ARID1B: variants seen among roughly 807,000 people sequenced by gnomAD.
The protein encoded by ARID1B is AT-rich interactive domain-containing protein 1B.
In ARID1B, 30 loss-of-function variants were observed where a neutral mutation model predicts 212.3. The observed-to-expected ratio is 0.14, with a 90% CI of 0.11 to 0.19. The LOEUF is 0.19. ARID1B is among the 10% of genes least tolerant of loss of function. The pLI is 1.00. For synonymous variants in ARID1B, 1,402 were observed against 1,301.7 expected (o/e 1.08, Z -1.66); for missense variants, 2,891 against 3,204.0 (o/e 0.90, Z 2.36).
chr6:157,175,594 ACCTATGT>A (rs1393439468), intron 11 of ARID1B: 1 of 152,256 alleles, frequency 6.6e-6, no homozygotes, highest in Non-Finnish European at 1.5e-5. Flanking sequence ...AATAATGTGT[ACCTATGT>A]TAGAATCAGT....
intron 15 of ARID1B, chr6:157,194,057 T>A (rs1350974849): frequency 6.6e-6 from 1 of 152,272 alleles, no homozygotes; most frequent in Non-Finnish European, 1.5e-5. Context: ...CATTACTGTT[T>A]ACCTTGGATT....
chr6:157,090,034 A>C (rs1785182708), intron 5 of ARID1B, among the ~76,000 whole-genome samples: 1 of 152,224 alleles, frequency 6.6e-6, no homozygotes, highest in Non-Finnish European at 1.5e-5. Context: ...TCAGCACGGC[A>C]TCTGAATGCA....
intron 1 of ARID1B, among the ~76,000 whole-genome samples, chr6:156,798,195 C>T (rs1780529106): frequency 6.6e-6 from 1 of 152,240 alleles, no homozygotes; most frequent in South Asian, 2.1e-4. Flanking sequence ...TCTGCTTTCT[C>T]TGCTGGGTGC....
rs140133346 is a variant in ARID1B at position 157,188,385 on chromosome 6, G to C, written c.3920-1257G>C. On this transcript the variant is annotated intron_variant, in intron 13 of 19. Transcript: ENST00000636930. ...GGCTGGGCAGACCTCATCTGGCTAG[G>C]AATGTCTCTGTCTAGCTGAGGCTTT... Among the ~76,000 whole-genome samples, 469 of 152,228 alleles carry C rather than the reference G, an allele frequency of 3.1e-3. 1 individual carries two copies. Among genetic ancestry groups the C allele is most frequent in the African/African-American group, 0.01 (429 of 41,536 alleles).
intron 5 of ARID1B, among the ~76,000 whole-genome samples, chr6:157,093,606 T>C (rs897728878): frequency 6.6e-6 from 1 of 152,216 alleles, no homozygotes; most frequent in South Asian, 2.1e-4. Flanking sequence ...ATGATATAAC[T>C]AGGAATTGTT....
intron 2 of ARID1B, among the ~76,000 whole-genome samples, chr6:156,895,973 C>G (rs189880625): frequency 1.3e-5 from 2 of 152,330 alleles, no homozygotes; most frequent in Admixed American, 6.5e-5. Context: ...TATGATACTG[C>G]ATTAACTTTT....
intron 1 of ARID1B, among the ~76,000 whole-genome samples, chr6:156,826,709 G>T (rs530316413): frequency 1.3e-5 from 2 of 152,260 alleles, no homozygotes; most frequent in Non-Finnish European, 2.9e-5. Context: ...TCTGCAGCGA[G>T]ACTGTCCTTG....
chr6:157,093,832 C>G (rs985787564), intron 5 of ARID1B, among the ~76,000 whole-genome samples: 1 of 152,200 alleles, frequency 6.6e-6, no homozygotes, highest in African/African-American at 2.4e-5. Flanking sequence ...CTAATTGTTC[C>G]GTTTCCTTCC....
chr6:157,204,185 T>A (rs1398957520), intron 19 of ARID1B, 189 bp downstream of exon 19: 8 of 694,042 alleles, frequency 1.2e-5, no homozygotes, highest in Admixed American at 2.6e-5. Flanking sequence ...TAGTCTTTAG[T>A]GTGTGTACAC....
chr6:156,832,521 C>G (rs1417531267), intron 2 of ARID1B, among the ~76,000 whole-genome samples: 1 of 152,166 alleles, frequency 6.6e-6, no homozygotes, highest in Non-Finnish European at 1.5e-5. Context: ...GAATCCAGTT[C>G]ATTTAATATT....
At chr6:156,815,458 C>T (rs1781897754) in intron 1 of ARID1B, among the ~76,000 whole-genome samples, 2 of 152,166 alleles carry the variant, frequency 1.3e-5, no homozygotes, top group African/African-American at 2.4e-5. Context: ...TTTAGTTTTC[C>T]TCCTTTCTCC....
At chr6:157,011,825 C>A (rs577986158) in intron 4 of ARID1B, among the ~76,000 whole-genome samples, 1 of 152,270 alleles carries the variant, frequency 6.6e-6, no homozygotes, top group East Asian at 1.9e-4. Context: ...ACAGTTATTT[C>A]TCAGAATTTA....
intron 4 of ARID1B, among the ~76,000 whole-genome samples, chr6:156,949,005 G>T (rs1410242870): frequency 1.3e-5 from 2 of 152,314 alleles, no homozygotes; most frequent in East Asian, 3.9e-4. Flanking sequence ...CACAACTGTG[G>T]TCAGAGCTTT....
intron 4 of ARID1B, among the ~76,000 whole-genome samples, chr6:157,018,556 A>G (rs1780047324): frequency 6.6e-6 from 1 of 152,148 alleles, no homozygotes; most frequent in Non-Finnish European, 1.5e-5. Context: ...TCCTGGAGAT[A>G]CTTGTCAAAA....
chr6:157,025,933 T>A (rs1780629365), intron 4 of ARID1B, among the ~76,000 whole-genome samples: 1 of 152,208 alleles, frequency 6.6e-6, no homozygotes, highest in Non-Finnish European at 1.5e-5. Flanking sequence ...ATAGATTTTT[T>A]TTTTTTTTTG....
At chr6:156,904,873 T>G (rs572170963) in intron 3 of ARID1B, among the ~76,000 whole-genome samples, 23 of 152,376 alleles carry the variant, frequency 1.5e-4, no homozygotes, top group Non-Finnish European at 1.2e-4. Context: ...AAGGCACGTT[T>G]GAAACATAAT....
Position 157,167,223 on chromosome 6 carries a change from C to T in ARID1B, c.3235+38C>T, listed in dbSNP as rs9384530. 44,788 of 1,583,532 alleles carry T rather than the reference C, an allele frequency of 0.028. 2,437 individuals carry two copies. Among genetic ancestry groups the T allele is most frequent in the African/African-American group, 0.23 (17,327 of 74,294 alleles). On this transcript the variant is annotated intron_variant, in intron 9 of 19. Coordinates refer to ENST00000636930, the MANE Select transcript of ARID1B (RefSeq NM_001374828.1). ...GCTCTGCGCTCCTGAGCCCCTCTCT[C>T]TCCCCTCTCCTCCTCTTAGGCTCCA...
At chr6:156,852,207 G>A (rs1223059438) in intron 2 of ARID1B, among the ~76,000 whole-genome samples, 1 of 152,110 alleles carries the variant, frequency 6.6e-6, no homozygotes, top group Non-Finnish European at 1.5e-5. Flanking sequence ...TAGCACACTG[G>A]GAGGCCGAGG....
intron 1 of ARID1B, among the ~76,000 whole-genome samples, chr6:156,822,379 T>TCGTGTATAGACACACCAGACCAG (rs1024608554): frequency 6.6e-6 from 1 of 152,230 alleles, no homozygotes; most frequent in Non-Finnish European, 1.5e-5. Flanking sequence ...AGTCTGATGA[T>TCGTGTATAGACACACCAGACCAG]CGTGTATAGA....
Sources: allele counts gnomAD v4.1 joint callset (sites outside exome capture counted in the v4.1 genomes callset), GRCh38; gene constraint gnomAD v4.1.1; transcripts MANE v1.5; gene names NCBI Gene and HGNC (gene_info 2026-07-23, HGNC 2026-07-21).